The following KPNA4 variants were observed in gnomAD, a reference collection of about 807,000 sequenced individuals.
The protein encoded by KPNA4 is karyopherin subunit alpha 4.
Under a neutral mutation model 71.3 loss-of-function variants are expected in KPNA4, and 13 were observed. The ratio of observed to expected loss-of-function variants is 0.18; its 90% confidence interval spans 0.12 to 0.29. The LOEUF (loss-of-function observed/expected upper bound fraction) is 0.29. Ranked by LOEUF, KPNA4 falls within the 10% of genes least tolerant of loss-of-function variation. The pLI is 1.00. For synonymous variants in KPNA4, 189 were observed against 195.2 expected, an observed-to-expected ratio of 0.97 and a Z score of 0.26; for missense variants, 334 against 603.2, an observed-to-expected ratio of 0.55 and a Z score of 4.67.
At chr3:160,539,422 A>G (rs1336468764) in intron 1 of KPNA4, among the ~76,000 whole-genome samples, 1 of 152,202 alleles carries the variant, frequency 6.6e-6, no homozygotes, top group Admixed American at 6.5e-5. Context: ...TCTTTTTAAA[A>G]ATAAGAAAAC....
chr3:160,554,346 T>C (rs900520212), intron 1 of KPNA4, among the ~76,000 whole-genome samples: 4 of 152,174 alleles, frequency 2.6e-5, no homozygotes, highest in African/African-American at 9.7e-5. Flanking sequence ...ATCAGCCCCA[T>C]ACCCACTAGC....
chr3:160,542,110 G>C (rs1721811060), intron 1 of KPNA4, among the ~76,000 whole-genome samples: 1 of 152,170 alleles, frequency 6.6e-6, no homozygotes, highest in African/African-American at 2.4e-5. Context: ...ATGAAAGATG[G>C]CATGTGTGGA....
intron 1 of KPNA4, among the ~76,000 whole-genome samples, chr3:160,540,028 C>CTCACTT (rs1260577246): frequency 1.5e-5 from 2 of 130,666 alleles, no homozygotes; most frequent in Non-Finnish European, 3.1e-5. Flanking sequence ...GAGACGGAGT[C>CTCACTT]TCACTTTGTC....
At chr3:160,564,946 C>T (rs1427976024) in intron 1 of KPNA4, among the ~76,000 whole-genome samples, 21 of 146,440 alleles carry the variant, frequency 1.4e-4, no homozygotes, top group Non-Finnish European at 2.3e-4. Context: ...CGCGGCCCGG[C>T]CCCTCGCACC....
At chr3:160,561,098 G>A (rs770344013) in intron 1 of KPNA4, among the ~76,000 whole-genome samples, 19 of 151,994 alleles carry the variant, frequency 1.3e-4, no homozygotes, top group Non-Finnish European at 2.7e-4. Context: ...TTATGTTTGT[G>A]TGGATAATCA....
At chr3:160,542,750 T>TA (rs1461706835) in intron 1 of KPNA4, among the ~76,000 whole-genome samples, 3 of 151,996 alleles carry the variant, frequency 2.0e-5, no homozygotes, top group African/African-American at 7.3e-5. Context: ...TAATGGACAC[T>TA]GAGCATAAGT....
Position 160,502,160 on chromosome 3 carries a change from C to A in KPNA4, c.1510G>T (p.Gly504Ter). ...PSLVPEAIQG[G>*]TFGFNSSANV... ...GCAGATGAATTGAAACCAAATGTTC[C>A]GCCTTGAATTGCCTCTGGAACAAGG... The change falls in exon 17 of 17, where the codon GGA becomes TGA. Residue 504 changes from glycine to a stop codon, truncating the protein, a stop_gained. Transcript: ENST00000334256. LOFTEE classifies it high-confidence loss of function. The A allele has an allele frequency of 6.3e-7, 1 of 1,597,480 alleles. No individual in the cohort carries two copies. Among genetic ancestry groups the A allele is most frequent in the South Asian group, 1.1e-5 (1 of 89,072 alleles).
At chr3:160,504,528 CTTAT>C (rs770347655) in intron 16 of KPNA4, among the ~76,000 whole-genome samples, 9 of 152,096 alleles carry the variant, frequency 5.9e-5, no homozygotes, top group Admixed American at 2.0e-4. Flanking sequence ...TTATTTCCAT[CTTAT>C]TTATTTTCGT....
At chr3:160,510,212 TCTTTTACACACAAAG>T (rs535238563) in intron 13 of KPNA4, among the ~76,000 whole-genome samples, 2 of 152,160 alleles carry the variant, frequency 1.3e-5, no homozygotes, top group African/African-American at 2.4e-5. Context: ...ACGAACATAT[TCTTTTACACACAAAG>T]CTTTTACACA....
intron 11 of KPNA4, among the ~76,000 whole-genome samples, chr3:160,519,600 C>T (rs923804821): frequency 7.9e-5 from 12 of 151,524 alleles, no homozygotes; most frequent in East Asian, 3.9e-4. Context: ...CGAGACCATC[C>T]TGGCTAACAA....
At chr3:160,536,290 AG>A (rs1270042895) in intron 2 of KPNA4, among the ~76,000 whole-genome samples, 1 of 152,158 alleles carries the variant, frequency 6.6e-6, no homozygotes. Context: ...GCAAAGTCAA[AG>A]CAGAAGTTGG....
chr3:160,529,925 C>T (rs576184850), intron 7 of KPNA4, among the ~76,000 whole-genome samples: 25 of 149,096 alleles, frequency 1.7e-4, no homozygotes, highest in Non-Finnish European at 7.4e-5. Context: ...GTCAGGAGAT[C>T]GAGACCGAGA....
Position 160,495,951 on chromosome 3 carries a change from T to C in KPNA4, c.*6153A>G, listed in dbSNP as rs1720752375. ...TTTTTTTTAAGGTAAATACCCTCTT[T>C]AGCTGAGTCCAAGACTTTGGATATT... is the stretch of plus-strand genomic sequence containing the variant. On this transcript the variant is annotated 3_prime_UTR_variant, in exon 17 of 17. Transcript: ENST00000334256. 1 of 150,810 alleles carries C rather than the reference T, an allele frequency of 6.6e-6. No homozygotes were observed. The highest frequency in any genetic ancestry group is 1.5e-5 in the Non-Finnish European group (1 of 67,780). 9.3% of individuals were successfully genotyped at this position (150,810 alleles called of 1,614,324 possible).
In KPNA4 at chr3:160,500,291, T is replaced by C. The variant is rs1720850858; in HGVS notation, c.*1813A>G. ...TTTTAAACTTTAACCATGTTTCTGATGACAAGGAATGCTGCAAAAATACTC... is the reference window on the plus strand; with the variant it reads ...TTTTAAACTTTAACCATGTTTCTGACGACAAGGAATGCTGCAAAAATACTC... On this transcript the variant is annotated 3_prime_UTR_variant, in exon 17 of 17. Transcript: ENST00000334256. The C allele has an allele frequency of 6.6e-6, 1 of 152,652 alleles. No individual in the cohort carries two copies. The highest frequency in any genetic ancestry group is 1.5e-5 in the Non-Finnish European group (1 of 68,016). The allele number at this position is 152,652 out of a possible 1,614,324, so 9.5% of individuals were successfully genotyped here.
At chr3:160,520,318 C>G (rs531866516) in intron 11 of KPNA4, among the ~76,000 whole-genome samples, 1 of 151,598 alleles carries the variant, frequency 6.6e-6, no homozygotes, top group East Asian at 1.9e-4. Context: ...GTGGCGCAAT[C>G]TTGGCTCACT....
intron 16 of KPNA4, among the ~76,000 whole-genome samples, chr3:160,503,450 T>C (rs1720921061): frequency 6.6e-6 from 1 of 152,062 alleles, no homozygotes; most frequent in African/African-American, 2.4e-5. Context: ...TTCAAAAAAA[T>C]CCAAAATCCA....
chr3:160,505,398 T>C (rs2108542681), intron 15 of KPNA4, among the ~76,000 whole-genome samples: 1 of 152,300 alleles, frequency 6.6e-6, no homozygotes, highest in African/African-American at 2.4e-5. Flanking sequence ...TCTTCCTACT[T>C]TCCAGCACCT....
intron 1 of KPNA4, among the ~76,000 whole-genome samples, chr3:160,554,078 G>C (rs1488480220): frequency 6.6e-6 from 1 of 152,200 alleles, no homozygotes; most frequent in Non-Finnish European, 1.5e-5. Context: ...ACAGGGAAGG[G>C]TAGAAGGGAA....
chr3:160,562,308 A>G (rs1229271948), intron 1 of KPNA4, among the ~76,000 whole-genome samples: 2 of 152,206 alleles, frequency 1.3e-5, no homozygotes, highest in Non-Finnish European at 2.9e-5. Context: ...GTTGCATGGT[A>G]TTTTGGATAT....
Sources: allele counts gnomAD v4.1 joint callset (sites outside exome capture counted in the v4.1 genomes callset), GRCh38; gene constraint gnomAD v4.1.1; transcripts MANE v1.5; gene names NCBI Gene and HGNC (gene_info 2026-07-23, HGNC 2026-07-21).